The following ZNF280D variants were observed in gnomAD, a reference collection of about 807,000 sequenced individuals.
ZNF280D encodes zinc finger protein 280D, also known as suppressor of hairy wing homolog 4.
Under a neutral mutation model 94.7 loss-of-function variants are expected in ZNF280D, and 39 were observed. That is an observed-to-expected ratio of 0.41 (90% CI 0.32 to 0.54). The LOEUF (loss-of-function observed/expected upper bound fraction) is 0.54. ZNF280D is among the 20% of genes least tolerant of loss of function. The pLI, the probability that ZNF280D is intolerant of heterozygous loss-of-function variation, is 0.22. For missense variants in ZNF280D, 1,090 were observed against 1,149.3 expected, an observed-to-expected ratio of 0.95 and a Z score of 0.75; for synonymous variants, 398 against 377.6, an observed-to-expected ratio of 1.05 and a Z score of -0.63.
chr15:56,667,750 A>G (rs1304078942), intron 14 of ZNF280D, among the ~76,000 whole-genome samples: 7 of 152,102 alleles, frequency 4.6e-5, no homozygotes, highest in African/African-American at 1.7e-4. Flanking sequence ...CCAGGAATCA[A>G]AAGGCCTTCC....
At chr15:56,700,147 A>G in intron 6 of ZNF280D, 1 of 974,126 alleles carries the variant, frequency 1.0e-6, no homozygotes. Flanking sequence ...GAACTGTTCA[A>G]CTAAGGCAAT....
intron 20 of ZNF280D, among the ~76,000 whole-genome samples, chr15:56,637,113 C>A (rs1288069734): frequency 6.6e-6 from 1 of 151,974 alleles, no homozygotes; most frequent in Non-Finnish European, 1.5e-5. Flanking sequence ...CAGCTAGAAG[C>A]TAGATTTCTC....
At chr15:56,662,830 C>CAAAAAAAAAAAAAAAAAA (rs577795987) in intron 16 of ZNF280D, among the ~76,000 whole-genome samples, 1 of 50,864 alleles carries the variant, frequency 2.0e-5, no homozygotes, top group African/African-American at 7.1e-5. Flanking sequence ...GACTCTGTCT[C>CAAAAAAAAAAAAAAAAAA]AAAAAAAAAA....
intron 9 of ZNF280D, among the ~76,000 whole-genome samples, chr15:56,687,476 A>G (rs2056105457): frequency 6.6e-6 from 1 of 152,202 alleles, no homozygotes; most frequent in Non-Finnish European, 1.5e-5. Flanking sequence ...ACATCCAGAA[A>G]GAAACCCAGG....
intron 1 of ZNF280D, among the ~76,000 whole-genome samples, chr15:56,707,636 GTTATC>G (rs1400858799): frequency 1.8e-4 from 28 of 151,976 alleles, no homozygotes; most frequent in Non-Finnish European, 3.1e-4. Context: ...AATCTTTAAC[GTTATC>G]TTTTCTTTGT....
rs1215274681 is a variant in ZNF280D, at chr15:56,666,695, C to T, written c.1837G>A (p.Ala613Thr). 6 of 1,605,902 alleles carry T rather than the reference C, an allele frequency of 3.7e-6. No individual in the cohort carries two copies. Among genetic ancestry groups the T allele is most frequent in the Non-Finnish European group, 5.1e-6 (6 of 1,177,514 alleles). ...AAAGATTACCTTAAATTCCTCAATG[C>T]TGTATTGACTTTACTTTTTTTATTG... The part of the protein sequence containing the change: ...SSNKKSKVNT[A>T]LRNLRYRRGI... Residue 613 changes from alanine (A) to threonine (T), a missense_variant, in exon 15 of 22, where the codon GCA becomes ACA. Transcript: ENST00000267807.
chr15:56,696,262 T>G (rs557338735), intron 6 of ZNF280D, among the ~76,000 whole-genome samples: 1 of 152,326 alleles, frequency 6.6e-6, no homozygotes, highest in Admixed American at 6.5e-5. Context: ...GAAAAGTTAC[T>G]TCTGAGTTTC....
At chr15:56,731,242 T>G in intron 1 of ZNF280D, among the ~76,000 whole-genome samples, 1 of 152,000 alleles carries the variant, frequency 6.6e-6, no homozygotes, top group East Asian at 1.9e-4. Flanking sequence ...GTGGCTCACA[T>G]CTGTAATCCC....
chr15:56,705,393 T>C (rs1164418380), intron 3 of ZNF280D, among the ~76,000 whole-genome samples: 1 of 152,228 alleles, frequency 6.6e-6, no homozygotes, highest in Non-Finnish European at 1.5e-5. Flanking sequence ...TTCTCAGTTT[T>C]ACAATCTATG....
chr15:56,722,397 C>G (rs548038153), intron 1 of ZNF280D, among the ~76,000 whole-genome samples: 2 of 152,278 alleles, frequency 1.3e-5, no homozygotes, highest in African/African-American at 2.4e-5. Context: ...CAAACCACAA[C>G]AAGTGAAGTA....
At chr15:56,682,198 ATTT>A in intron 10 of ZNF280D, 53 bp downstream of exon 10, 1 of 1,279,530 alleles carries the variant, frequency 7.8e-7, no homozygotes, top group South Asian at 1.4e-5. Context: ...AAAGTATAAC[ATTT>A]TTATTTGCAG....
At position 56,678,809 on chromosome 15, in the gene ZNF280D, G is replaced by A. The variant is rs201022319; in HGVS notation, c.1017C>T (p.His339=). 1.0e-5 allele frequency: 16 copies of A among 1,607,270 alleles called. No individual in the cohort carries two copies. In the East Asian group the frequency reaches 3.6e-4, roughly 36 times the overall value. Residue 339 remains histidine, a synonymous_variant, in exon 11 of 22, where the codon CAC becomes CAT. Transcript: ENST00000267807. ...TCTCAAGTTCCAAATGGTGTTTCATGTGGTTCATAAACCTATAAATGGTTG... is the reference window on the plus strand; with the variant it reads ...TCTCAAGTTCCAAATGGTGTTTCATATGGTTCATAAACCTATAAATGGTTG... ...ILKNNIRFMN[H]MKHHLELEKQ...
chr15:56,672,023 T>C (rs1264960834), intron 13 of ZNF280D, among the ~76,000 whole-genome samples: 2 of 152,168 alleles, frequency 1.3e-5, no homozygotes, highest in Admixed American at 6.6e-5. Context: ...TTTTTGCACA[T>C]TGACTTTGTA....
intron 1 of ZNF280D, among the ~76,000 whole-genome samples, chr15:56,715,567 A>G (rs2057996437): frequency 6.6e-6 from 1 of 152,174 alleles, no homozygotes; most frequent in Non-Finnish European, 1.5e-5. Context: ...TAGAGAGTAT[A>G]ATACATGTAA....
chr15:56,665,809 A>T (rs1456066496), intron 16 of ZNF280D, among the ~76,000 whole-genome samples: 1 of 152,074 alleles, frequency 6.6e-6, no homozygotes, highest in Non-Finnish European at 1.5e-5. Flanking sequence ...CCATTATTGA[A>T]ACACCAATGG....
chr15:56,718,438 A>T (rs1334342226), intron 1 of ZNF280D, among the ~76,000 whole-genome samples: 2 of 152,224 alleles, frequency 1.3e-5, no homozygotes, highest in Non-Finnish European at 2.9e-5. Flanking sequence ...CAAACACCTC[A>T]AATATTATAG....
At chr15:56,701,142 T>A in intron 5 of ZNF280D, 31 bp downstream of exon 5, 1 of 1,600,148 alleles carries the variant, frequency 6.2e-7, no homozygotes. Flanking sequence ...ATACTTCACT[T>A]TAAAATTAAA....
At chr15:56,722,838 AC>A (rs1344620671) in intron 1 of ZNF280D, among the ~76,000 whole-genome samples, 1 of 152,028 alleles carries the variant, frequency 6.6e-6, no homozygotes, top group African/African-American at 2.4e-5. Context: ...CAAATGTCCA[AC>A]AATGATAGAC....
At chr15:56,657,873 A>G (rs1321057938) in intron 17 of ZNF280D, among the ~76,000 whole-genome samples, 1 of 152,142 alleles carries the variant, frequency 6.6e-6, no homozygotes, top group Non-Finnish European at 1.5e-5. Flanking sequence ...TCATAAGTAT[A>G]TACTAAAGAG....
Sources: allele counts gnomAD v4.1 joint callset (sites outside exome capture counted in the v4.1 genomes callset), GRCh38; gene constraint gnomAD v4.1.1; transcripts MANE v1.5; gene names NCBI Gene and HGNC (gene_info 2026-07-23, HGNC 2026-07-21).